The following COG6 variants were observed in gnomAD, a reference collection of about 807,000 sequenced individuals.
The protein encoded by COG6 is component of oligomeric golgi complex 6.
Under a neutral mutation model 88.8 loss-of-function variants are expected in COG6, and 74 were observed. The ratio of observed to expected loss-of-function variants is 0.83; its 90% CI spans 0.69 to 1.01. The LOEUF is 1.01. Among genes scored for constraint, COG6 ranks in the 50% least tolerant of loss-of-function variants. COG6 has a pLI of 0.00. For synonymous variants in COG6, 286 were observed against 278.7 expected, an observed-to-expected ratio of 1.03 and a Z score of -0.26; for missense variants, 800 against 797.9, an observed-to-expected ratio of 1.00 and a Z score of -0.03.
chr13:39,659,748 T>C (rs1298566455), intron 2 of COG6, among the ~76,000 whole-genome samples: 8 of 152,214 alleles, frequency 5.3e-5, no homozygotes, highest in Admixed American at 5.2e-4. Context: ...AAGATTATCT[T>C]AGGAATTTTA....
intron 18 of COG6, among the ~76,000 whole-genome samples, chr13:39,734,178 T>C (rs1879609507): frequency 6.6e-6 from 1 of 152,154 alleles, no homozygotes; most frequent in South Asian, 2.1e-4. Flanking sequence ...TCTAGTTCTT[T>C]AAAATGTATC....
In COG6 at chr13:39,734,967, C is replaced by G. The variant is rs573567584; in HGVS notation, c.1826+7419C>G. On this transcript the variant is annotated intron_variant, in intron 18 of 18. Coordinates refer to ENST00000455146, the MANE Select transcript of COG6 (RefSeq NM_020751.3). ...ACTGGCATGGAGTATCTTTTTCTAT[C>G]TCTCTTTTTTTCAGTCTATGTCTGC... 2.0e-5 allele frequency among the ~76,000 whole-genome samples: 3 copies of G among 151,770 alleles called. No homozygotes were observed. In the South Asian group the frequency reaches 6.3e-4, roughly 32 times the overall value.
intron 6 of COG6, 151 bp downstream of exon 6, chr13:39,679,771 C>T (rs1876199811): frequency 1.4e-6 from 1 of 713,780 alleles, no homozygotes; most frequent in South Asian, 1.6e-5. Context: ...TATACTCTGA[C>T]AGGTTTAGGC....
rs757170273 is a variant in COG6 at position 39,687,814 on chromosome 13, T to C, written c.1009+15T>C. On this transcript the variant is annotated intron_variant, in intron 10 of 18. Coordinates refer to ENST00000455146, the MANE Select transcript of COG6 (RefSeq NM_020751.3). ...AACTACACAAGGTGGGTCCACCAATTGTATTGCTAATGCCTAAATATAGAA... is the reference window on the plus strand; with the variant it reads ...AACTACACAAGGTGGGTCCACCAATCGTATTGCTAATGCCTAAATATAGAA... 1.3e-5 allele frequency: 20 copies of C among 1,535,572 alleles called. No homozygotes were observed. Among genetic ancestry groups the C allele is most frequent in the Non-Finnish European group, 1.6e-5 (18 of 1,109,310 alleles).
At chr13:39,720,079 A>C (rs377503170) in intron 15 of COG6, among the ~76,000 whole-genome samples, 19 of 151,882 alleles carry the variant, frequency 1.3e-4, no homozygotes, top group African/African-American at 4.6e-4. Flanking sequence ...TGTAATGTTT[A>C]AAATACTTGA....
At position 39,731,320 on chromosome 13, in the gene COG6, T is replaced by C. The variant is rs146109073; in HGVS notation, c.1826+3772T>C. Among the ~76,000 whole-genome samples the C allele has an allele frequency of 3.9e-3, 600 of 152,254 alleles. 4 individuals carry two copies. The highest frequency in any genetic ancestry group is 0.014 in the African/African-American group (562 of 41,544). ...AGCACTTCAGCCTTGGAATAAGCTA[T>C]TGAATACATTTAAGTAGCTAGGAAA... On this transcript the variant is annotated intron_variant, in intron 18 of 18. Transcript: ENST00000455146.
intron 1 of COG6, among the ~76,000 whole-genome samples, chr13:39,658,001 A>G (rs1874634327): frequency 6.6e-6 from 1 of 151,934 alleles, no homozygotes; most frequent in Non-Finnish European, 1.5e-5. Context: ...CGCTCTCACT[A>G]AAGAACGTCA....
chr13:39,700,401 T>A (rs1356814602), intron 13 of COG6, among the ~76,000 whole-genome samples: 1 of 151,868 alleles, frequency 6.6e-6, no homozygotes, highest in Non-Finnish European at 1.5e-5. Flanking sequence ...TTCCTAAGCC[T>A]TAATAGGAGT....
chr13:39,680,099 T>G (rs1236883926), intron 7 of COG6, 54 bp downstream of exon 7: 17 of 1,074,250 alleles, frequency 1.6e-5, no homozygotes, highest in Non-Finnish European at 2.3e-5. Context: ...AGTTGTTTTT[T>G]AAAATTTTAC....
intron 13 of COG6, among the ~76,000 whole-genome samples, chr13:39,716,530 A>G (rs1023087693): frequency 8.6e-5 from 13 of 150,708 alleles, no homozygotes; most frequent in African/African-American, 1.9e-4. Context: ...TATGTCTGCA[A>G]TTTGCCCTTT....
chr13:39,669,868 A>C (rs1269505641), intron 4 of COG6, among the ~76,000 whole-genome samples: 2 of 152,162 alleles, frequency 1.3e-5, no homozygotes, highest in Non-Finnish European at 2.9e-5. Context: ...TGCCAAGTGA[A>C]CGTTTGTGTG....
intron 18 of COG6, among the ~76,000 whole-genome samples, chr13:39,782,424 C>T (rs1295201231): frequency 1.3e-5 from 2 of 152,124 alleles, no homozygotes; most frequent in African/African-American, 4.8e-5. Flanking sequence ...TAATTTCTTC[C>T]TTGGTGGAGG....
intron 16 of COG6, among the ~76,000 whole-genome samples, chr13:39,724,038 C>T (rs1878995481): frequency 6.6e-6 from 1 of 152,008 alleles, no homozygotes; most frequent in Non-Finnish European, 1.5e-5. Flanking sequence ...ATTCAAACAG[C>T]ATTAACATGA....
intron 18 of COG6, among the ~76,000 whole-genome samples, chr13:39,728,848 A>G (rs1291884690): frequency 6.6e-6 from 1 of 151,946 alleles, no homozygotes; most frequent in African/African-American, 2.4e-5. Context: ...TATTTTTAGT[A>G]GAGATGGGGT....
intron 4 of COG6, 127 bp from the exon 5 acceptor site, chr13:39,677,339 CTT>C (rs1490009867): frequency 1.0e-5 from 7 of 669,606 alleles, no homozygotes; most frequent in African/African-American, 9.0e-5. Flanking sequence ...AGAAACAAGA[CTT>C]TTGAAAATAT....
chr13:39,707,384 T>C (rs1049531428), intron 13 of COG6, among the ~76,000 whole-genome samples: 41 of 151,834 alleles, frequency 2.7e-4, no homozygotes, highest in Middle Eastern at 3.4e-3. Flanking sequence ...GCCTCAGCCT[T>C]CCAAAGTGCT....
At chr13:39,689,894 A>T in intron 11 of COG6, 70 bp downstream of exon 11, 1 of 951,464 alleles carries the variant, frequency 1.1e-6, no homozygotes, top group Non-Finnish European at 1.7e-6. Flanking sequence ...ATAGAAACTT[A>T]AGAAACTGAT....
intron 4 of COG6, among the ~76,000 whole-genome samples, chr13:39,666,858 TA>T (rs372269514): frequency 1.2e-4 from 19 of 152,206 alleles, no homozygotes; most frequent in African/African-American, 4.6e-4. Context: ...CAATATCATC[TA>T]AAAAATACTA....
intron 8 of COG6, among the ~76,000 whole-genome samples, chr13:39,685,490 TA>T (rs1410318071): frequency 6.6e-6 from 1 of 152,192 alleles, no homozygotes; most frequent in African/African-American, 2.4e-5. Flanking sequence ...ATTTACCCCC[TA>T]TTTAAAATAC....
Sources: gnomAD v4.1 joint callset for allele counts (sites outside exome capture counted in the v4.1 genomes callset) on GRCh38, gnomAD v4.1.1 for gene constraint, MANE v1.5 for transcripts, NCBI Gene and HGNC (gene_info 2026-07-23, HGNC 2026-07-21) for gene names.